FAM114A1: variants seen among roughly 807,000 people sequenced by gnomAD.
FAM114A1 encodes the protein protein NOXP20.
Under a neutral mutation model 64.3 loss-of-function variants are expected in FAM114A1, and 62 were observed. The ratio of observed to expected loss-of-function variants is 0.96; its 90% confidence interval spans 0.79 to 1.19. FAM114A1 has a LOEUF of 1.19. Among genes scored for constraint, FAM114A1 ranks in the 50% most tolerant of loss-of-function variants. FAM114A1 has a pLI of 0.00. For missense variants in FAM114A1, 645 were observed against 676.3 expected, an observed-to-expected ratio of 0.95 and a Z score of 0.51; for synonymous variants, 254 against 251.1, an observed-to-expected ratio of 1.01 and a Z score of -0.11.
At chr4:38,869,655 C>A (rs776992491) in intron 2 of FAM114A1, among the ~76,000 whole-genome samples, 12 of 152,012 alleles carry the variant, frequency 7.9e-5, no homozygotes, top group Non-Finnish European at 1.5e-4. Flanking sequence ...ACTGCTACAA[C>A]CTGATTAAGA....
chr4:38,898,621 T>C (rs1717181863), intron 4 of FAM114A1, among the ~76,000 whole-genome samples: 1 of 152,174 alleles, frequency 6.6e-6, no homozygotes, highest in Admixed American at 6.5e-5. Context: ...TGAGTTTCTG[T>C]TGGACTTCTG....
At chr4:38,911,851 T>C (rs10021396) in intron 7 of FAM114A1, among the ~76,000 whole-genome samples, 7,127 of 91,552 alleles carry the variant, frequency 0.078, 201 homozygotes, top group Middle Eastern at 0.19. Flanking sequence ...TTTCTTTTTT[T>C]TTCTTTTTTC....
intron 3 of FAM114A1, among the ~76,000 whole-genome samples, chr4:38,886,144 A>G (rs969315574): frequency 1.3e-5 from 2 of 151,976 alleles, no homozygotes; most frequent in East Asian, 3.9e-4. Context: ...GAGGATGGAC[A>G]AGGGAGGTGA....
At chr4:38,878,823 A>G (rs963168663) in intron 3 of FAM114A1, among the ~76,000 whole-genome samples, 1 of 152,196 alleles carries the variant, frequency 6.6e-6, no homozygotes, top group African/African-American at 2.4e-5. Context: ...AAACATTGTA[A>G]TATCACACAT....
At chr4:38,918,388 C>T (rs983949823) in intron 8 of FAM114A1, among the ~76,000 whole-genome samples, 4 of 152,144 alleles carry the variant, frequency 2.6e-5, no homozygotes, top group African/African-American at 7.2e-5. Context: ...CTTGTGGCTC[C>T]GCTAGGCCCG....
At chr4:38,923,039 C>A in intron 9 of FAM114A1, 146 bp downstream of exon 9, 3 of 970,944 alleles carry the variant, frequency 3.1e-6, no homozygotes, top group Non-Finnish European at 4.4e-6. Flanking sequence ...GCTCTTGTTA[C>A]AGGAGCTGGT....
At chr4:38,940,348 A>G (rs1721492164) in intron 13 of FAM114A1, among the ~76,000 whole-genome samples, 1 of 150,688 alleles carries the variant, frequency 6.6e-6, no homozygotes, top group Non-Finnish European at 1.5e-5. Context: ...CCTATAACCA[A>G]GTTTCTATGT....
intron 7 of FAM114A1, among the ~76,000 whole-genome samples, chr4:38,910,401 G>A (rs1718424306): frequency 6.6e-6 from 1 of 152,198 alleles, no homozygotes; most frequent in South Asian, 2.1e-4. Context: ...TGCTCACACA[G>A]GAGCTCGTCC....
chr4:38,924,785 C>A (rs1201229866), intron 9 of FAM114A1, among the ~76,000 whole-genome samples: 1 of 152,078 alleles, frequency 6.6e-6, no homozygotes, highest in Non-Finnish European at 1.5e-5. Context: ...GCCTTGTGGA[C>A]CCAGGATGAA....
chr4:38,943,886 G>T lies in FAM114A1; in HGVS notation c.*329G>T. On this transcript the variant is annotated 3_prime_UTR_variant, in exon 15 of 15. Coordinates refer to ENST00000358869, the MANE Select transcript of FAM114A1 (RefSeq NM_138389.4). ...AGCATGCTATATTTAGAAACTCATG[G>T]GGAGACCTTAGACTTTTGTTTAATC... is the stretch of plus-strand genomic sequence containing the variant. 1 of 216,112 alleles carries T rather than the reference G, an allele frequency of 4.6e-6. No individual in the cohort carries two copies. The highest frequency in any genetic ancestry group is 9.7e-5 in the East Asian group (1 of 10,344). 13.4% of individuals were successfully genotyped at this position (216,112 alleles called of 1,614,324 possible). A position where few individuals can be genotyped will look rare whatever the true frequency, so the allele number is the denominator to read the frequency against.
chr4:38,906,721 G>C (rs898377011), intron 6 of FAM114A1, among the ~76,000 whole-genome samples: 2 of 152,122 alleles, frequency 1.3e-5, no homozygotes, highest in African/African-American at 4.8e-5. Context: ...TTTTAGTAGA[G>C]ATGGGGTTTC....
chr4:38,919,436 A>C (rs955240196), intron 8 of FAM114A1, among the ~76,000 whole-genome samples: 2 of 152,162 alleles, frequency 1.3e-5, no homozygotes, highest in African/African-American at 4.8e-5. Context: ...CCTCTTAGCT[A>C]TCCCGTGGGC....
rs186747531 is a variant in FAM114A1, at chr4:38,908,687, G to A, written c.753G>A (p.Arg251=). The A allele has an allele frequency of 1.9e-6, 3 of 1,612,846 alleles. No individual in the cohort carries two copies. The African/African-American group carries it at 4.0e-5, about 21-fold the overall frequency. ...CAGAAAGTGACCCGGGCTTTAAGCG[G>A]ACCAAGACGCTCATGGAGAGAACTG... The part of the protein sequence containing the change: ...VLAESDPGFK[R]TKTLMERTVS... The change falls in exon 7 of 15, where the codon CGG becomes CGA. Residue 251 remains arginine (R), a synonymous_variant. Transcript: ENST00000358869.
intron 8 of FAM114A1, among the ~76,000 whole-genome samples, chr4:38,915,559 G>A (rs1718962524): frequency 6.6e-6 from 1 of 152,086 alleles, no homozygotes; most frequent in Admixed American, 6.5e-5. Flanking sequence ...GGCCACAAAG[G>A]GCAGGATTAT....
chr4:38,871,019 G>A (rs984140946), intron 2 of FAM114A1, among the ~76,000 whole-genome samples: 1 of 151,358 alleles, frequency 6.6e-6, no homozygotes, highest in African/African-American at 2.4e-5. Flanking sequence ...GATAAATATG[G>A]ATTAGAGATA....
At chr4:38,889,305 C>G (rs187583712) in intron 3 of FAM114A1, among the ~76,000 whole-genome samples, 1 of 152,048 alleles carries the variant, frequency 6.6e-6, no homozygotes, top group East Asian at 1.9e-4. Flanking sequence ...TGAAGTAAAT[C>G]AATGTAGACA....
chr4:38,886,436 G>T (rs915030936), intron 3 of FAM114A1, among the ~76,000 whole-genome samples: 19 of 151,562 alleles, frequency 1.3e-4, no homozygotes, highest in Admixed American at 1.1e-3. Flanking sequence ...CTCCCAAAGT[G>T]CTGGGTTTAC....
At chr4:38,874,459 A>T (rs138745953) in intron 2 of FAM114A1, among the ~76,000 whole-genome samples, 1 of 152,230 alleles carries the variant, frequency 6.6e-6, no homozygotes, top group African/African-American at 2.4e-5. Context: ...GGCCACCTAT[A>T]TGTTTTCTTT....
At chr4:38,933,250 C>T (rs1264159558) in intron 12 of FAM114A1, among the ~76,000 whole-genome samples, 3 of 152,198 alleles carry the variant, frequency 2.0e-5, no homozygotes, top group Middle Eastern at 3.2e-3. Context: ...AGGGAAAACA[C>T]ACTAAATCAT....
Sources: gnomAD v4.1 joint callset for allele counts (sites outside exome capture counted in the v4.1 genomes callset) on GRCh38, gnomAD v4.1.1 for gene constraint, MANE v1.5 for transcripts, NCBI Gene and HGNC (gene_info 2026-07-23, HGNC 2026-07-21) for gene names.